The following SLC4A4 variants were observed in gnomAD, a reference collection of about 807,000 sequenced individuals.
SLC4A4 encodes solute carrier family 4 member 4.
A neutral mutation model predicts 111.5 loss-of-function variants in SLC4A4; 27 were observed. The ratio of observed to expected loss-of-function variants is 0.24; its 90% CI spans 0.18 to 0.33. SLC4A4 has a LOEUF of 0.33. SLC4A4 is among the 10% of genes least tolerant of loss of function. The probability of loss-of-function intolerance (pLI) is 1.00; values close to 1 mark genes in which losing one functional copy is unlikely to be tolerated. For missense variants in SLC4A4, 909 were observed against 1,315.5 expected (o/e 0.69, Z 4.78); for synonymous variants, 443 against 463.4 (o/e 0.96, Z 0.57).
intron 2 of SLC4A4, among the ~76,000 whole-genome samples, chr4:71,177,351 G>A (rs1745128370): frequency 6.6e-6 from 1 of 152,098 alleles, no homozygotes; most frequent in Non-Finnish European, 1.5e-5. Context: ...ATGTAAATGG[G>A]CTAAATGCTC....
intron 1 of SLC4A4, among the ~76,000 whole-genome samples, chr4:71,219,026 T>G (rs1049390145): frequency 6.6e-6 from 1 of 152,174 alleles, no homozygotes; most frequent in Non-Finnish European, 1.5e-5. Flanking sequence ...GAGTTTTTAT[T>G]CTTCTAGGAT....
At chr4:71,555,345 C>T (rs1322207863) in intron 21 of SLC4A4, 137 bp downstream of exon 21, 4 of 740,512 alleles carry the variant, frequency 5.4e-6, no homozygotes, top group Non-Finnish European at 9.9e-6. Context: ...TCTACTTCAC[C>T]ATTCACCTGC....
chr4:71,453,041 A>G (rs911989696), intron 11 of SLC4A4, among the ~76,000 whole-genome samples: 5 of 152,172 alleles, frequency 3.3e-5, no homozygotes, highest in Admixed American at 3.3e-4. Flanking sequence ...GAAGAGTGCC[A>G]GAGTGTGGGC....
At chr4:71,330,156 A>C (rs11931411) in intron 3 of SLC4A4, among the ~76,000 whole-genome samples, 127,920 of 152,166 alleles carry the variant, frequency 0.84, 54,900 homozygotes, top group Non-Finnish European at 0.94. Context: ...CCCTGGGATA[A>C]ATTTCACTTG....
chr4:71,376,113 G>A (rs915729503), intron 6 of SLC4A4, among the ~76,000 whole-genome samples: 15 of 131,064 alleles, frequency 1.1e-4, no homozygotes, highest in Non-Finnish European at 2.1e-4. Flanking sequence ...ATATATATAC[G>A]TTTGTGTATA....
At chr4:71,319,287 C>G (rs923918337) in intron 3 of SLC4A4, among the ~76,000 whole-genome samples, 3 of 151,832 alleles carry the variant, frequency 2.0e-5, no homozygotes, top group African/African-American at 4.8e-5. Flanking sequence ...TATTCATGTG[C>G]TTTATTTTTC....
intron 15 of SLC4A4, among the ~76,000 whole-genome samples, chr4:71,487,625 A>G (rs1729536368): frequency 6.6e-6 from 1 of 151,702 alleles, no homozygotes; most frequent in Non-Finnish European, 1.5e-5. Context: ...GTGCTGTTTC[A>G]GACTTCCAAT....
intron 2 of SLC4A4, among the ~76,000 whole-genome samples, chr4:71,171,803 C>A (rs1211943858): frequency 1.3e-5 from 2 of 152,128 alleles, no homozygotes; most frequent in African/African-American, 4.8e-5. Flanking sequence ...TCAGCAGAAG[C>A]TTTTGAATAG....
At chr4:71,097,344 AAG>A (rs1173294914) in intron 2 of SLC4A4, among the ~76,000 whole-genome samples, 3 of 152,204 alleles carry the variant, frequency 2.0e-5, no homozygotes, top group African/African-American at 7.2e-5. Context: ...GTTCCCACAA[AAG>A]ACATGATCTC....
At chr4:71,537,295 A>G (rs1240436572) in intron 18 of SLC4A4, among the ~76,000 whole-genome samples, 1 of 34,838 alleles carries the variant, frequency 2.9e-5, no homozygotes, top group African/African-American at 7.5e-5. Flanking sequence ...ATGTCTACAT[A>G]TATGTATATG....
At chr4:71,154,749 T>C (rs970229812) in intron 2 of SLC4A4, among the ~76,000 whole-genome samples, 3 of 152,082 alleles carry the variant, frequency 2.0e-5, no homozygotes, top group African/African-American at 7.2e-5. Context: ...ATTTAATAGA[T>C]TAAGAAGAAA....
intron 3 of SLC4A4, among the ~76,000 whole-genome samples, chr4:71,273,678 CTTTT>C (rs772319559): frequency 7.5e-6 from 1 of 134,184 alleles, no homozygotes; most frequent in Non-Finnish European, 1.7e-5. Context: ...TTCTAGAATT[CTTTT>C]TTTTTTTTTT....
intron 3 of SLC4A4, among the ~76,000 whole-genome samples, chr4:71,260,126 G>A (rs1379520623): frequency 6.6e-6 from 1 of 152,204 alleles, no homozygotes; most frequent in East Asian, 1.9e-4. Flanking sequence ...TGGGACAATG[G>A]ATGCTGGTTG....
intron 16 of SLC4A4, among the ~76,000 whole-genome samples, chr4:71,521,842 T>C (rs1393794165): frequency 6.6e-6 from 1 of 152,162 alleles, no homozygotes; most frequent in African/African-American, 2.4e-5. Context: ...AAATTAAACT[T>C]ATCACAGTCC....
At chr4:71,451,394 A>G in intron 11 of SLC4A4, 93 bp downstream of exon 11, 1 of 850,942 alleles carries the variant, frequency 1.2e-6, no homozygotes, top group Non-Finnish European at 2.0e-6. Context: ...TAGTTTGTTC[A>G]TCTGTTCAGC....
intron 7 of SLC4A4, among the ~76,000 whole-genome samples, chr4:71,432,963 A>G (rs1723777897): frequency 6.6e-6 from 1 of 152,086 alleles, no homozygotes; most frequent in Admixed American, 6.6e-5. Flanking sequence ...TTTATATTGG[A>G]TAAGTATATA....
intron 16 of SLC4A4, among the ~76,000 whole-genome samples, chr4:71,514,095 C>G (rs1732166821): frequency 6.6e-6 from 1 of 152,002 alleles, no homozygotes; most frequent in African/African-American, 2.4e-5. Flanking sequence ...CTGTATTTGT[C>G]TTTTTTTCTA....
At chr4:71,380,348 T>C (rs1718002888) in intron 6 of SLC4A4, among the ~76,000 whole-genome samples, 1 of 152,192 alleles carries the variant, frequency 6.6e-6, no homozygotes, top group Non-Finnish European at 1.5e-5. Flanking sequence ...ATGAAGGAAC[T>C]GAGGCTCAGT....
intron 2 of SLC4A4, among the ~76,000 whole-genome samples, chr4:71,101,904 G>A (rs567951456): frequency 3.2e-4 from 48 of 152,030 alleles, no homozygotes; most frequent in Admixed American, 6.6e-4. Context: ...ACCAGCAATG[G>A]AACAAAGCTG....
Sources: gnomAD v4.1 joint callset for allele counts (sites outside exome capture counted in the v4.1 genomes callset) on GRCh38, gnomAD v4.1.1 for gene constraint, MANE v1.5 for transcripts, NCBI Gene and HGNC (gene_info 2026-07-23, HGNC 2026-07-21) for gene names.